The following GRM7 variants were observed in gnomAD, a reference collection of about 807,000 sequenced individuals.
GRM7 encodes the protein metabotropic glutamate receptor 7.
GRM7 carries 35 observed loss-of-function variants against 84.5 expected under a neutral mutation model. That is an observed-to-expected ratio of 0.41 (90% confidence interval 0.32 to 0.55). The LOEUF (loss-of-function observed/expected upper bound fraction) is 0.55, where lower values mean the gene tolerates loss of function less well. GRM7 is among the 20% of genes least tolerant of loss of function. The pLI, the probability that GRM7 is intolerant of heterozygous loss-of-function variation, is 0.19. For synonymous variants in GRM7, 487 were observed against 455.1 expected, an observed-to-expected ratio of 1.07 and a Z score of -0.89; for missense variants, 1,003 against 1,194.6, an observed-to-expected ratio of 0.84 and a Z score of 2.36.
rs529679411 is a variant in GRM7 at position 7,428,817 on chromosome 3, A to T, written c.1174+13654A>T. Among the ~76,000 whole-genome samples, 4 of 152,320 alleles carry T rather than the reference A, an allele frequency of 2.6e-5. No homozygotes were observed. The South Asian group carries it at 8.3e-4, about 32-fold the overall frequency. On this transcript the variant is annotated intron_variant, in intron 5 of 9. Transcript: ENST00000357716. ...ACCTTTAAACTGTATTTTTTATCTT[A>T]TGAAACATACACACTATATCTGTTG... is the stretch of plus-strand genomic sequence containing the variant.
intron 9 of GRM7, among the ~76,000 whole-genome samples, chr3:7,688,829 G>A (rs1333676163): frequency 1.3e-5 from 2 of 152,126 alleles, no homozygotes; most frequent in African/African-American, 4.8e-5. Flanking sequence ...TGCTTACAGG[G>A]ATTTGAAGGA....
At chr3:7,690,374 T>G (rs1028841689) in intron 9 of GRM7, among the ~76,000 whole-genome samples, 3 of 152,028 alleles carry the variant, frequency 2.0e-5, no homozygotes, top group African/African-American at 7.2e-5. Flanking sequence ...CATTTATAAG[T>G]GAATATTTGT....
chr3:6,871,150 T>C (rs1197314127), intron 1 of GRM7, among the ~76,000 whole-genome samples: 1 of 152,182 alleles, frequency 6.6e-6, no homozygotes, highest in African/African-American at 2.4e-5. Context: ...TTTAATAACA[T>C]TTGTGACACA....
intron 1 of GRM7, among the ~76,000 whole-genome samples, chr3:7,070,331 AAAT>A (rs1320321589): frequency 2.0e-5 from 3 of 152,162 alleles, no homozygotes; most frequent in Admixed American, 2.0e-4. Context: ...GAAAATAAAA[AAAT>A]AACCTGCTCT....
chr3:7,638,889 G>A (rs1177123721), intron 8 of GRM7, among the ~76,000 whole-genome samples: 3 of 152,202 alleles, frequency 2.0e-5, no homozygotes, highest in Non-Finnish European at 4.4e-5. Flanking sequence ...TGATTTGGCA[G>A]AATCTCCCAA....
At chr3:7,553,290 G>A (rs1236369668) in intron 7 of GRM7, among the ~76,000 whole-genome samples, 2 of 152,152 alleles carry the variant, frequency 1.3e-5, no homozygotes, top group Non-Finnish European at 2.9e-5. Flanking sequence ...ATCACTGTCA[G>A]CAGATTTGTC....
At chr3:7,412,079 C>T (rs1384799339) in intron 4 of GRM7, among the ~76,000 whole-genome samples, 4 of 148,660 alleles carry the variant, frequency 2.7e-5, no homozygotes, top group African/African-American at 9.9e-5. Flanking sequence ...TCCTTTTGTT[C>T]TTTTTATTAA....
intron 7 of GRM7, among the ~76,000 whole-genome samples, chr3:7,489,857 A>T (rs1699458078): frequency 6.6e-6 from 1 of 151,916 alleles, no homozygotes; most frequent in African/African-American, 2.4e-5. Context: ...ACAGCATATT[A>T]TAAATAATAA....
intron 8 of GRM7, among the ~76,000 whole-genome samples, chr3:7,656,546 C>CGT (rs1392921202): frequency 3.4e-5 from 3 of 89,134 alleles, no homozygotes; most frequent in African/African-American, 7.2e-5. Context: ...TATACGCGCG[C>CGT]GCACACACAC....
intron 9 of GRM7, among the ~76,000 whole-genome samples, chr3:7,705,929 A>G (rs980822266): frequency 4.6e-5 from 7 of 152,234 alleles, no homozygotes; most frequent in Admixed American, 1.3e-4. Context: ...TAGCTGCCAC[A>G]TGGAACAATT....
At chr3:7,236,666 A>G (rs1332157043) in intron 2 of GRM7, among the ~76,000 whole-genome samples, 1 of 152,204 alleles carries the variant, frequency 6.6e-6, no homozygotes, top group Non-Finnish European at 1.5e-5. Flanking sequence ...GTAGATAATA[A>G]GTGATCCAGG....
In GRM7 at chr3:6,861,190, G is replaced by A; in HGVS notation, c.-199G>A. 1 of 456,482 alleles carries A rather than the reference G, an allele frequency of 2.2e-6. No homozygotes were observed. Among genetic ancestry groups the A allele is most frequent in the Non-Finnish European group, 3.8e-6 (1 of 265,514 alleles). 28.3% of individuals were successfully genotyped at this position (456,482 alleles called of 1,614,324 possible). On this transcript the variant is annotated 5_prime_UTR_variant, in exon 1 of 10. Transcript: ENST00000357716. This position sits in a 1 kb window ranked among gnomAD's most constrained non-coding sequence, Gnocchi z 6.4. The stretch of plus-strand genomic sequence containing the variant: ...GGCGCGCCGGCCGGCTAACCCGAGA[G>A]CGCGAGGCGCCCCAGGCTGGCAGGC...
intron 1 of GRM7, among the ~76,000 whole-genome samples, chr3:7,087,312 TG>T (rs756306072): frequency 2.4e-4 from 37 of 152,288 alleles, no homozygotes; most frequent in Non-Finnish European, 4.9e-4. Context: ...TTAAAGTTTT[TG>T]GATGCAACTA....
intron 1 of GRM7, among the ~76,000 whole-genome samples, chr3:7,018,707 A>G (rs554936415): frequency 6.6e-6 from 1 of 152,348 alleles, no homozygotes; most frequent in Admixed American, 6.5e-5. Flanking sequence ...AGTGGCTGGA[A>G]TAGGAGTGGA....
chr3:7,485,471 T>C (rs375847474), intron 7 of GRM7, among the ~76,000 whole-genome samples: 15 of 152,352 alleles, frequency 9.8e-5, no homozygotes, highest in African/African-American at 3.6e-4. Context: ...CACAAGTCCC[T>C]AAGTTTCTGG....
intron 1 of GRM7, among the ~76,000 whole-genome samples, chr3:7,069,756 TG>T (rs1225053193): frequency 6.6e-6 from 1 of 152,068 alleles, no homozygotes; most frequent in Non-Finnish European, 1.5e-5. Context: ...ACACATGGGT[TG>T]GGGAGGAGTA....
At chr3:7,355,628 G>A (rs1418352934) in intron 4 of GRM7, among the ~76,000 whole-genome samples, 3 of 152,112 alleles carry the variant, frequency 2.0e-5, no homozygotes, top group East Asian at 3.9e-4. Flanking sequence ...GGGCCAACAA[G>A]TTACCATAAA....
rs376131061 is a variant in GRM7 at position 7,254,910 on chromosome 3, T to A, written c.737-43774T>A. ...CCCTTTCAACTGCTGTTGGTACTAC[T>A]TCTATAATCACTAAGAACGGCTTGA... On this transcript the variant is annotated intron_variant, in intron 2 of 9. Coordinates refer to ENST00000357716, the MANE Select transcript of GRM7 (RefSeq NM_000844.4). Among the ~76,000 whole-genome samples the A allele has an allele frequency of 5.8e-4, 88 of 152,358 alleles. 5 individuals carry two copies. In the South Asian group the frequency reaches 0.014, roughly 24 times the overall value.
chr3:7,643,545 A>G (rs113158673), intron 8 of GRM7, among the ~76,000 whole-genome samples: 12 of 152,220 alleles, frequency 7.9e-5, no homozygotes, highest in Admixed American at 3.9e-4. Context: ...AAAACACTGT[A>G]CATATTGTTG....
Sources: gnomAD v4.1 joint callset for allele counts (sites outside exome capture counted in the v4.1 genomes callset) on GRCh38, gnomAD v4.1.1 for gene constraint, Gnocchi (gnomAD v3.1) non-coding constraint, MANE v1.5 for transcripts, NCBI Gene and HGNC (gene_info 2026-07-23, HGNC 2026-07-21) for gene names.